DMXL1: variants seen among roughly 807,000 people sequenced by gnomAD.
The protein encoded by DMXL1 is dmX-like protein 1.
Under a neutral mutation model 319.2 loss-of-function variants are expected in DMXL1, and 99 were observed. The observed-to-expected ratio is 0.31, with a 90% confidence interval of 0.26 to 0.37. DMXL1 has a LOEUF of 0.37. Ranked by LOEUF, DMXL1 falls within the 10% of genes least tolerant of loss-of-function variation. The pLI, the probability that DMXL1 is intolerant of heterozygous loss-of-function variation, is 1.00. For synonymous variants in DMXL1, 1,385 were observed against 1,235.2 expected (o/e 1.12, Z -2.54); for missense variants, 3,745 against 3,595.6 (o/e 1.04, Z -1.06).
intron 13 of DMXL1, 129 bp from the exon 14 acceptor site, chr5:119,143,712 T>C: frequency 2.0e-6 from 1 of 503,776 alleles, no homozygotes. Context: ...ATTTTTATAG[T>C]TGAAAGGGAC....
intron 9 of DMXL1, among the ~76,000 whole-genome samples, chr5:119,125,336 T>C (rs1423463257): frequency 2.6e-5 from 4 of 152,214 alleles, no homozygotes; most frequent in Non-Finnish European, 4.4e-5. Flanking sequence ...GAATGATCTA[T>C]AAATGCATTT....
intron 20 of DMXL1, 68 bp downstream of exon 20, chr5:119,164,744 T>C: frequency 7.2e-7 from 1 of 1,398,192 alleles, no homozygotes; most frequent in Non-Finnish European, 9.8e-7. Flanking sequence ...TGGCATTTCA[T>C]ATCTTCTCTG....
intron 30 of DMXL1, among the ~76,000 whole-genome samples, chr5:119,195,081 AAAAC>A (rs1465635251): frequency 6.6e-6 from 1 of 152,074 alleles, no homozygotes; most frequent in African/African-American, 2.4e-5. Flanking sequence ...AACAAAAACA[AAAAC>A]AAAAAAAATA....
At position 119,147,380 on chromosome 5, in the gene DMXL1, A is replaced by G. The variant is rs1268910130; in HGVS notation, c.2821A>G (p.Ser941Gly). 5.0e-6 allele frequency: 8 copies of G among 1,613,392 alleles called. No individual in the cohort carries two copies. The highest frequency in any genetic ancestry group is 6.8e-6 in the Non-Finnish European group (8 of 1,179,630). ...TTGCAGAGCAAATCTCCAGAGTACC[A>G]GCAGGTTGACTCTGTTTTCAGAAAT... ...QACRANLQST[S>G]RLTLFSEMVY... Residue 941 changes from serine to glycine, a missense_variant, in exon 17 of 44, where the codon AGC becomes GGC. Ser to Gly is a moderately conservative substitution (Grantham distance 56). Coordinates refer to ENST00000539542, the MANE Select transcript of DMXL1 (RefSeq NM_001290321.3).
At chr5:119,141,046 A>C (rs1474975545) in intron 13 of DMXL1, among the ~76,000 whole-genome samples, 1 of 152,230 alleles carries the variant, frequency 6.6e-6, no homozygotes, top group Non-Finnish European at 1.5e-5. Flanking sequence ...TTTTGATAAA[A>C]TTCAACATTC....
chr5:119,190,827 A>G (rs1170364089), intron 29 of DMXL1, among the ~76,000 whole-genome samples: 1 of 152,202 alleles, frequency 6.6e-6, no homozygotes, highest in African/African-American at 2.4e-5. Flanking sequence ...AAAAAACTTT[A>G]CGTTAAAGGG....
At chr5:119,201,017 G>A (rs1323778538) in intron 32 of DMXL1, among the ~76,000 whole-genome samples, 1 of 152,098 alleles carries the variant, frequency 6.6e-6, no homozygotes, top group Admixed American at 6.5e-5. Context: ...CTACAAACAG[G>A]CATAGTTTTA....
intron 43 of DMXL1, among the ~76,000 whole-genome samples, chr5:119,245,008 T>A (rs1007274973): frequency 2.6e-5 from 4 of 152,234 alleles, no homozygotes; most frequent in Non-Finnish European, 5.9e-5. Flanking sequence ...ACCTTGCCTT[T>A]AGCAGTCCTT....
intron 3 of DMXL1, chr5:119,104,394 C>T (rs1317035243): frequency 6.6e-6 from 1 of 152,166 alleles, no homozygotes; most frequent in Non-Finnish European, 1.5e-5. Context: ...GTGCCCCATC[C>T]TGAAGCTTTT....
intron 9 of DMXL1, among the ~76,000 whole-genome samples, chr5:119,122,343 C>A (rs1203603003): frequency 6.8e-6 from 1 of 146,340 alleles, no homozygotes; most frequent in African/African-American, 2.5e-5. Flanking sequence ...CCGGAGGGGG[C>A]GGCTGGCCGG....
chr5:119,164,504 C>T lies in DMXL1; in HGVS notation c.4703-3C>T. ...ATAAACATCATTTTTTACATTTCTT[C>T]AGGCCTGTCTACAAGTCATTTTGCT... On this transcript the variant is annotated splice_polypyrimidine_tract_variant and splice_region_variant and intron_variant, in intron 19 of 43. Coordinates refer to ENST00000539542, the MANE Select transcript of DMXL1 (RefSeq NM_001290321.3). The T allele has an allele frequency of 1.2e-6, 2 of 1,611,168 alleles. No homozygotes were observed. The highest frequency in any genetic ancestry group is 1.7e-6 in the Non-Finnish European group (2 of 1,177,992).
chr5:119,144,788 A>G (rs1768156518), intron 15 of DMXL1, 150 bp downstream of exon 15: 2 of 502,578 alleles, frequency 4.0e-6, no homozygotes, highest in Admixed American at 8.1e-5. Context: ...AAATATGAGT[A>G]TCTTTTTATT....
rs549117674 is a variant in DMXL1, at chr5:119,167,626, C to T, written c.5160C>T (p.Asp1720=). ...AGGTATGTCTTGAGAAATTGAATGA[C>T]ATTCAGTTGGCTCTTGTAATAGCAA... ...AIEVCLEKLN[D]IQLALVIARL... Residue 1720 remains aspartate, a synonymous_variant, in exon 23 of 44, where the codon GAC becomes GAT. Transcript: ENST00000539542. The T allele has an allele frequency of 2.1e-5, 33 of 1,603,694 alleles. No homozygotes were observed. The highest frequency in any genetic ancestry group is 2.6e-5 in the Non-Finnish European group (31 of 1,174,496).
chr5:119,183,912 T>TC (rs1284872650), intron 28 of DMXL1, among the ~76,000 whole-genome samples: 1 of 152,138 alleles, frequency 6.6e-6, no homozygotes. Flanking sequence ...TAAAAGAAAC[T>TC]CCAAGAAATG....
At position 119,134,401 on chromosome 5, in the gene DMXL1, C is replaced by G. The variant is rs761782049; in HGVS notation, c.2376+12C>G. ...ACCCTGAAATTTCTGTAAGTAATGT[C>G]TTTTAAAACAGCTTAAGTATATAAT... On this transcript the variant is annotated intron_variant, in intron 13 of 43. Coordinates refer to ENST00000539542, the MANE Select transcript of DMXL1 (RefSeq NM_001290321.3). The G allele has an allele frequency of 1.3e-5, 20 of 1,596,902 alleles. No individual in the cohort carries two copies. Among genetic ancestry groups the G allele is most frequent in the African/African-American group, 8.1e-5 (6 of 73,936 alleles).
At chr5:119,179,525 T>TG (rs879556894) in intron 28 of DMXL1, among the ~76,000 whole-genome samples, 4 of 152,254 alleles carry the variant, frequency 2.6e-5, no homozygotes, top group Non-Finnish European at 5.9e-5. Flanking sequence ...CTTCATTATT[T>TG]GGGAAAAAAA....
chr5:119,156,632 T>C (rs935145545), intron 19 of DMXL1, among the ~76,000 whole-genome samples: 3 of 152,138 alleles, frequency 2.0e-5, no homozygotes, highest in Admixed American at 2.0e-4. Context: ...TGGTGGATCA[T>C]GTGGTAATTT....
At chr5:119,165,325 C>G (rs774650672) in intron 21 of DMXL1, 45 bp downstream of exon 21, 2 of 1,028,696 alleles carry the variant, frequency 1.9e-6, no homozygotes, top group South Asian at 3.0e-5. Context: ...ATGTGAAAAC[C>G]TGTTCATAAG....
At chr5:119,102,144 T>C (rs1013624373) in intron 3 of DMXL1, 138 bp downstream of exon 3, 2 of 475,298 alleles carry the variant, frequency 4.2e-6, no homozygotes, top group East Asian at 7.2e-5. Flanking sequence ...TCCATTTTGA[T>C]GTTAAAAATA....
Sources: allele counts gnomAD v4.1 joint callset (sites outside exome capture counted in the v4.1 genomes callset), GRCh38; gene constraint gnomAD v4.1.1; transcripts MANE v1.5; gene names NCBI Gene and HGNC (gene_info 2026-07-23, HGNC 2026-07-21).